The following ADAT1 variants were observed in gnomAD, a reference collection of about 807,000 sequenced individuals.
The protein encoded by ADAT1 is adenosine deaminase tRNA specific 1.
ADAT1 carries 58 observed loss-of-function variants against 58.6 expected under a neutral mutation model. The ratio of observed to expected loss-of-function variants is 0.99; its 90% CI spans 0.80 to 1.23. The LOEUF is 1.23. ADAT1 is among the 50% of genes most tolerant of loss of function. The probability of loss-of-function intolerance (pLI) is 0.00; values close to 1 mark genes in which losing one functional copy is unlikely to be tolerated. For missense variants in ADAT1, 741 were observed against 608.6 expected, an observed-to-expected ratio of 1.22 and a Z score of -2.29; for synonymous variants, 254 against 220.8, an observed-to-expected ratio of 1.15 and a Z score of -1.33.
intron 8 of ADAT1, among the ~76,000 whole-genome samples, chr16:75,606,872 A>G (rs576299412): frequency 3.9e-4 from 59 of 152,256 alleles, no homozygotes; most frequent in Non-Finnish European, 7.3e-4. Flanking sequence ...AAAGATTTAT[A>G]TAAAGCTATA....
chr16:75,611,109 T>C (rs76398656), intron 6 of ADAT1, among the ~76,000 whole-genome samples: 57 of 152,248 alleles, frequency 3.7e-4, no homozygotes, highest in East Asian at 1.9e-3. Flanking sequence ...CAGTGAAACC[T>C]TGTCACTACA....
chr16:75,620,190 C>T (rs1032060705), intron 3 of ADAT1, 76 bp downstream of exon 3: 5 of 1,467,284 alleles, frequency 3.4e-6, no homozygotes, highest in Non-Finnish European at 4.8e-6. Flanking sequence ...CATGGCCCCT[C>T]TTCCCTGACA....
At chr16:75,617,755 G>A (rs2081781689) in intron 4 of ADAT1, among the ~76,000 whole-genome samples, 1 of 151,314 alleles carries the variant, frequency 6.6e-6, no homozygotes, top group East Asian at 1.9e-4. Context: ...GTTTTAACAA[G>A]CCTTCTAGGT....
At chr16:75,616,701 A>G (rs571640908) in intron 5 of ADAT1, among the ~76,000 whole-genome samples, 1 of 152,354 alleles carries the variant, frequency 6.6e-6, no homozygotes, top group South Asian at 2.1e-4. Context: ...CTATGAAGGT[A>G]AGCAATATGC....
rs191524413 is a variant in ADAT1, at chr16:75,608,891, G to C, written c.1141C>G (p.Gln381Glu). ...LLFEQSRSAV[Q>E]AKRADSPGRL... Reference sequence around the variant, plus strand: ...CCTGGGCTATCAGCCCTTTTTGCCTGCACCGCACTGCGGCTCTGTTCAAAT... The same window carrying C: ...CCTGGGCTATCAGCCCTTTTTGCCTCCACCGCACTGCGGCTCTGTTCAAAT... The change falls in exon 7 of 10, where the codon CAG becomes GAG. Residue 381 changes from glutamine to glutamate, a missense_variant. Transcript: ENST00000564657. The C allele has an allele frequency of 2.7e-5, 44 of 1,613,328 alleles. No individual in the cohort carries two copies. The East Asian group carries it at 9.4e-4, about 34-fold the overall frequency.
chr16:75,619,862 C>T lies in ADAT1; in HGVS notation c.238+404G>A, dbSNP rs545438141. 4.5e-4 allele frequency: 113 copies of T among 253,348 alleles called. 1 individual carries two copies. Among genetic ancestry groups the T allele is most frequent in the Non-Finnish European group, 4.7e-4 (59 of 126,674 alleles). 15.7% of individuals were successfully genotyped at this position (253,348 alleles called of 1,614,324 possible). On this transcript the variant is annotated intron_variant, in intron 3 of 9. Transcript: ENST00000564657. ...TGAATCGAGATTGCCCCATTGCACT[C>T]CAGCCTGGGTGACAGAGCGAGACTC...
Position 75,618,780 on chromosome 16 carries a change from T to C in ADAT1, c.239-140A>G, listed in dbSNP as rs2081832949. ...AGAGCTTTGCCAGAAGGTACCACAA[T>C]CATGAATAACAATGCATCAGGTGCA... On this transcript the variant is annotated intron_variant, in intron 3 of 9. Transcript: ENST00000564657. 2.4e-5 allele frequency: 23 copies of C among 944,146 alleles called. 1 individual carries two copies. The South Asian group carries it at 3.3e-4, about 13-fold the overall frequency. The allele number at this position is 944,146 out of a possible 1,614,324, so 58.5% of individuals were successfully genotyped here.
intron 6 of ADAT1, among the ~76,000 whole-genome samples, chr16:75,610,991 G>A (rs2081514276): frequency 6.6e-6 from 1 of 152,144 alleles, no homozygotes; most frequent in South Asian, 2.1e-4. Context: ...GCTTATGCCT[G>A]TAATCTTAGC....
chr16:75,609,440 G>T (rs1452008085), intron 6 of ADAT1, among the ~76,000 whole-genome samples: 1 of 152,060 alleles, frequency 6.6e-6, no homozygotes, highest in Admixed American at 6.6e-5. Context: ...GATAGCAACT[G>T]CAAGTACCAG....
Position 75,598,824 on chromosome 16 carries a change from A to C in ADAT1, c.*1392T>G, listed in dbSNP as rs2081142738. 1.4e-5 allele frequency: 13 copies of C among 921,758 alleles called. No individual in the cohort carries two copies. Among genetic ancestry groups the C allele is most frequent in the African/African-American group, 1.8e-5 (1 of 55,908 alleles). 57.1% of individuals were successfully genotyped at this position (921,758 alleles called of 1,614,324 possible). On this transcript the variant is annotated 3_prime_UTR_variant, in exon 10 of 10. Transcript: ENST00000564657. Reference sequence around the variant, plus strand: ...GTAAGCCACCGTGCCCGGCCTAAAAACTTTTAAAATGTATACTTTAGTTGG... The same window carrying C: ...GTAAGCCACCGTGCCCGGCCTAAAACCTTTTAAAATGTATACTTTAGTTGG...
chr16:75,598,189 G>GC lies in ADAT1; in HGVS notation c.*2026dup. 1 of 255,372 alleles carries GC rather than the reference G, an allele frequency of 3.9e-6. No homozygotes were observed. Among genetic ancestry groups the GC allele is most frequent in the Non-Finnish European group, 8.0e-6 (1 of 124,390 alleles). 15.8% of individuals were successfully genotyped at this position (255,372 alleles called of 1,614,324 possible). ...CCTCCTGGGTTTGAGAGATTCTTCT[G>GC]CCTCAGCCTCCTGAGTAGTTGGGAC... On this transcript the variant is annotated 3_prime_UTR_variant, in exon 10 of 10. Transcript: ENST00000564657.
In ADAT1 at chr16:75,599,262, A is replaced by G; in HGVS notation, c.*954T>C. On this transcript the variant is annotated 3_prime_UTR_variant, in exon 10 of 10. Transcript: ENST00000564657. ...ATGCCCGGCTAGTTTTTGCATTTTT[A>G]GTAGAGACAGGGTTTCACCAGGTTG... 2.4e-6 allele frequency: 2 copies of G among 842,652 alleles called. No individual in the cohort carries two copies. The highest frequency in any genetic ancestry group is 2.9e-6 in the Non-Finnish European group (2 of 700,150). 52.2% of individuals were successfully genotyped at this position (842,652 alleles called of 1,614,324 possible). A position where few individuals can be genotyped will look rare whatever the true frequency, so the allele number is the denominator to read the frequency against.
intron 5 of ADAT1, among the ~76,000 whole-genome samples, chr16:75,615,974 C>T (rs529451050): frequency 6.6e-6 from 1 of 151,526 alleles, no homozygotes; most frequent in Non-Finnish European, 1.5e-5. Flanking sequence ...TCTTAAAACT[C>T]TTTTCTCATA....
rs1217867715 is a variant in ADAT1 at position 75,597,372 on chromosome 16, G to A, written c.*2844C>T. On this transcript the variant is annotated 3_prime_UTR_variant, in exon 10 of 10. Transcript: ENST00000564657. Reference sequence around the variant, plus strand: ...GTGATGCAGCCACAAGCCAAGGACTGCCAGGAGCCATCAGAAGCTAAGGAG... The same window carrying A: ...GTGATGCAGCCACAAGCCAAGGACTACCAGGAGCCATCAGAAGCTAAGGAG... 11 of 451,252 alleles carry A rather than the reference G, an allele frequency of 2.4e-5. No individual in the cohort carries two copies. The highest frequency in any genetic ancestry group is 1.6e-4 in the South Asian group (10 of 63,332). 28.0% of individuals were successfully genotyped at this position (451,252 alleles called of 1,614,324 possible).
At chr16:75,617,668 A>C (rs2081778872) in intron 4 of ADAT1, among the ~76,000 whole-genome samples, 1 of 151,610 alleles carries the variant, frequency 6.6e-6, no homozygotes, top group African/African-American at 2.4e-5. Context: ...AATAAAAAAG[A>C]AAGAAGAAAC....
Position 75,599,641 on chromosome 16 carries a change from T to C in ADAT1, c.*575A>G. On this transcript the variant is annotated 3_prime_UTR_variant, in exon 10 of 10. Coordinates refer to ENST00000564657, the MANE Select transcript of ADAT1 (RefSeq NM_001324445.2). ...GCTCCAGATCAAAACAGAAAGCCTT[T>C]CCTGATACCTCTGAGAACAAGTCCA... 1 of 985,906 alleles carries C rather than the reference T, an allele frequency of 1.0e-6. No individual in the cohort carries two copies. Among genetic ancestry groups the C allele is most frequent in the Non-Finnish European group, 1.2e-6 (1 of 830,002 alleles). 61.1% of individuals were successfully genotyped at this position (985,906 alleles called of 1,614,324 possible).
intron 6 of ADAT1, among the ~76,000 whole-genome samples, chr16:75,609,282 A>T (rs1038496740): frequency 1.3e-5 from 2 of 152,234 alleles, no homozygotes; most frequent in Non-Finnish European, 2.9e-5. Flanking sequence ...GTTTAAGCAG[A>T]AACATTAATG....
In ADAT1 at chr16:75,603,073, C is replaced by G; in HGVS notation, c.1376+12G>C. On this transcript the variant is annotated intron_variant, in intron 9 of 9. Transcript: ENST00000564657. ...TACCTAAATATGAGAAAACATAGGT[C>G]AACAGCATCACCTGAGGGAGTGTGG... The G allele has an allele frequency of 1.9e-6, 3 of 1,612,008 alleles. No individual in the cohort carries two copies. The highest frequency in any genetic ancestry group is 2.5e-6 in the Non-Finnish European group (3 of 1,178,308).
intron 5 of ADAT1, among the ~76,000 whole-genome samples, chr16:75,615,881 T>C (rs1034240655): frequency 6.6e-6 from 1 of 152,184 alleles, no homozygotes; most frequent in Non-Finnish European, 1.5e-5. Context: ...GGAAACAACC[T>C]TTGGGCCTTG....
Sources: gnomAD v4.1 joint callset for allele counts (sites outside exome capture counted in the v4.1 genomes callset) on GRCh38, gnomAD v4.1.1 for gene constraint, MANE v1.5 for transcripts, NCBI Gene and HGNC (gene_info 2026-07-23, HGNC 2026-07-21) for gene names.